Variants in ISG20L2 observed in about 807,000 individuals in gnomAD.
ISG20L2 encodes interferon stimulated exonuclease gene 20 like 2.
A neutral mutation model predicts 27.8 loss-of-function variants in ISG20L2; 14 were observed. The ratio of observed to expected loss-of-function variants is 0.50; its 90% CI spans 0.33 to 0.79. ISG20L2 has a LOEUF of 0.79. ISG20L2 is among the 30% of genes least tolerant of loss of function. The pLI, the probability that ISG20L2 is intolerant of heterozygous loss-of-function variation, is 0.02. For synonymous variants in ISG20L2, 157 were observed against 165.7 expected (o/e 0.95, Z 0.40); for missense variants, 393 against 435.1 (o/e 0.90, Z 0.86).
At position 156,726,080 on chromosome 1, in the gene ISG20L2, A is replaced by G; in HGVS notation, c.747+826T>C. 7 of 985,424 alleles carry G rather than the reference A, an allele frequency of 7.1e-6. No homozygotes were observed. The South Asian group carries it at 2.8e-4, about 40-fold the overall frequency. 61.0% of individuals were successfully genotyped at this position (985,424 alleles called of 1,614,324 possible). On this transcript the variant is annotated intron_variant, in intron 2 of 3. Coordinates refer to ENST00000368219, the MANE Select transcript of ISG20L2 (RefSeq NM_001370150.2). ...ATGCCTTGCGCTCCATGGCCAGCAC[A>G]GGGCTAGGAGTGAGATGACAACCCG... is the stretch of plus-strand genomic sequence containing the variant.
chr1:156,723,720 A>T (rs1648633882), intron 3 of ISG20L2: 6 of 985,456 alleles, frequency 6.1e-6, no homozygotes, highest in Non-Finnish European at 6.0e-6. Context: ...CTGTAGAGAT[A>T]GAACATACCA....
chr1:156,723,841 A>G, intron 3 of ISG20L2: 1 of 1,250,558 alleles, frequency 8.0e-7, no homozygotes, highest in Non-Finnish European at 1.0e-6. Flanking sequence ...GCTGAAATAT[A>G]GCGTGTAAAA....
intron 2 of ISG20L2, chr1:156,724,746 C>T: frequency 2.0e-6 from 2 of 989,624 alleles, no homozygotes; most frequent in Non-Finnish European, 2.4e-6. Context: ...ACCCGGGCTC[C>T]AGGGAGGCTA....
At chr1:156,723,917 A>C (rs1648641952) in intron 3 of ISG20L2, 3 of 1,320,750 alleles carry the variant, frequency 2.3e-6, no homozygotes, top group African/African-American at 1.5e-5. Flanking sequence ...TTTCTTCCTT[A>C]GTTAGGGTTT....
chr1:156,725,898 T>C (rs1648734555), intron 2 of ISG20L2: 1 of 985,396 alleles, frequency 1.0e-6, no homozygotes, highest in Non-Finnish European at 1.2e-6. Context: ...ATATAAGGCA[T>C]TATGGGAACA....
chr1:156,723,688 T>G, intron 3 of ISG20L2: 7 of 985,416 alleles, frequency 7.1e-6, no homozygotes, highest in Non-Finnish European at 8.4e-6. Context: ...TCTGTGGCAG[T>G]ATGTATAAGC....
At chr1:156,724,610 A>G in intron 2 of ISG20L2, 3 of 1,229,522 alleles carry the variant, frequency 2.4e-6, no homozygotes, top group Non-Finnish European at 3.1e-6. Context: ...ACCCCATGAC[A>G]TTAATTTGCC....
chr1:156,728,071 T>C, intron 1 of ISG20L2: 1 of 1,002,824 alleles, frequency 1.0e-6, no homozygotes, highest in Non-Finnish European at 1.2e-6. Flanking sequence ...ACCCTCTGAG[T>C]CTAAGAGGCT....
At chr1:156,724,121 G>A in intron 3 of ISG20L2, 27 bp downstream of exon 3, 2 of 1,585,472 alleles carry the variant, frequency 1.3e-6, no homozygotes, top group Non-Finnish European at 1.7e-6. Context: ...GTCCAAGATG[G>A]GGGCGGGGGA....
intron 1 of ISG20L2, 138 bp from the exon 2 acceptor site, chr1:156,727,907 G>A (rs1648877219): frequency 1.6e-6 from 2 of 1,244,296 alleles, no homozygotes; most frequent in Non-Finnish European, 1.0e-6. Flanking sequence ...AACATAACAT[G>A]AAATGATGGA....
In ISG20L2 at chr1:156,727,032, G is replaced by C; in HGVS notation, c.621C>G (p.Asn207Lys). Reference sequence around the variant, plus strand: ...TGTACTCGTCATAAAGCACATCTCCGTTGTAGTTGACAATGCTACATCGAG... The same window carrying C: ...TGTACTCGTCATAAAGCACATCTCCCTTGTAGTTGACAATGCTACATCGAG... ...SLARCSIVNYNGDVLYDEYIL... is the reference protein window; with the variant it reads ...SLARCSIVNYKGDVLYDEYIL... The change falls in exon 2 of 4, where the codon AAC (asparagine) becomes AAG (lysine). Residue 207 changes from asparagine (N) to lysine (K), a missense_variant. By Grantham distance (94) the Asn-to-Lys change is moderately conservative (BLOSUM62 0). This residue lies in a region of ISG20L2 where 171 missense variants were observed against 195.3 expected (regional missense o/e 0.88). Transcript: ENST00000368219. 6.2e-7 allele frequency: 1 copy of C among 1,614,176 alleles called. No individual in the cohort carries two copies. The highest frequency in any genetic ancestry group is 1.7e-5 in the Admixed American group (1 of 60,024).
Position 156,728,730 on chromosome 1 carries a change from C to G in ISG20L2, c.-433G>C. On this transcript the variant is annotated 5_prime_UTR_variant, in exon 1 of 4. Coordinates refer to ENST00000368219, the MANE Select transcript of ISG20L2 (RefSeq NM_001370150.2). ...TAAACCGGAACTGCAGCCCGCCGGA[C>G]ACCTCCGGCTTCACTTCCGTAAGAG... 1 of 1,001,548 alleles carries G rather than the reference C, an allele frequency of 1.0e-6. No homozygotes were observed. Among genetic ancestry groups the G allele is most frequent in the Non-Finnish European group, 1.2e-6 (1 of 840,026 alleles). 62.0% of individuals were successfully genotyped at this position (1,001,548 alleles called of 1,614,324 possible).
intron 2 of ISG20L2, chr1:156,724,756 A>G (rs1404672421): frequency 1.1e-6 from 1 of 936,816 alleles, no homozygotes; most frequent in Non-Finnish European, 1.3e-6. Context: ...CAGGGAGGCT[A>G]ACAAAAGCCC....
At position 156,724,233 on chromosome 1, in the gene ISG20L2, G is replaced by A. The variant is rs200161207; in HGVS notation, c.863C>T (p.Pro288Leu). Residue 288 changes from proline to leucine, a missense_variant, in exon 3 of 4, where the codon CCC becomes CTC. Pro to Leu is a moderately conservative substitution (Grantham distance 98). This residue lies in a region of ISG20L2 where 171 missense variants were observed against 195.3 expected (regional missense o/e 0.88). Transcript: ENST00000368219. ...CGGGCAGTCAGCCTTCCGGTTGAGGGGGGGGATATGGGAGGTGTCACGGGT... is the reference window on the plus strand; with the variant it reads ...CGGGCAGTCAGCCTTCCGGTTGAGGAGGGGGATATGGGAGGTGTCACGGGT... ...SLTRDTSHIP[P>L]LNRKADCPEN... is the part of the protein sequence containing the mutation. 5 of 1,614,054 alleles carry A rather than the reference G, an allele frequency of 3.1e-6. No homozygotes were observed. The highest frequency in any genetic ancestry group is 2.2e-5 in the East Asian group (1 of 44,880).
intron 3 of ISG20L2, 65 bp downstream of exon 3, chr1:156,724,083 T>G: frequency 7.1e-7 from 1 of 1,412,354 alleles, no homozygotes; most frequent in Non-Finnish European, 1.0e-6. Flanking sequence ...GAGATCAGAG[T>G]CTGGCTAGGG....
intron 2 of ISG20L2, chr1:156,725,040 C>T (rs1313297272): frequency 6.6e-6 from 1 of 152,150 alleles, no homozygotes; most frequent in Non-Finnish European, 1.5e-5. Flanking sequence ...CAACCTCCGC[C>T]TCCCGGGTTC....
At chr1:156,726,421 GTT>G (rs1266259423) in intron 2 of ISG20L2, 1 of 985,016 alleles carries the variant, frequency 1.0e-6, no homozygotes, top group East Asian at 1.1e-4. Flanking sequence ...ACCTAAAATA[GTT>G]TTTTTGTTTG....
Position 156,723,165 on chromosome 1 carries a change from AC to A in ISG20L2, c.*183del. 1 of 702,928 alleles carries A rather than the reference AC, an allele frequency of 1.4e-6. No individual in the cohort carries two copies. The allele number at this position is 702,928 out of a possible 1,614,324, so 43.5% of individuals were successfully genotyped here. ...GCTTTCCCCTTCCATGGGACACTTA[AC>A]CAGACACAGGACACAACACCTGAGG... is the stretch of plus-strand genomic sequence containing the variant. On this transcript the variant is annotated 3_prime_UTR_variant, in exon 4 of 4. Coordinates refer to ENST00000368219, the MANE Select transcript of ISG20L2 (RefSeq NM_001370150.2).
chr1:156,726,849 T>A, intron 2 of ISG20L2, 57 bp downstream of exon 2: 1 of 1,553,816 alleles, frequency 6.4e-7, no homozygotes. Flanking sequence ...TGCTGAAAAA[T>A]GATTTAGACC....
Sources: allele counts gnomAD v4.1 joint callset, GRCh38; gene constraint gnomAD v4.1.1; regional missense constraint gnomAD v4.1.1; transcripts MANE v1.5; gene names NCBI Gene and HGNC (gene_info 2026-07-23, HGNC 2026-07-21).